The following NCBP1 variants were observed in gnomAD, a reference collection of about 807,000 sequenced individuals.
NCBP1 encodes nuclear cap binding protein subunit 1.
In NCBP1, 16 loss-of-function variants were observed where a neutral mutation model predicts 111.7. That is an observed-to-expected ratio of 0.14 (90% CI 0.10 to 0.22). The LOEUF is 0.22. Ranked by LOEUF, NCBP1 falls within the 10% of genes least tolerant of loss-of-function variation. The pLI, the probability that NCBP1 is intolerant of heterozygous loss-of-function variation, is 1.00. For missense variants in NCBP1, 607 were observed against 957.5 expected, an observed-to-expected ratio of 0.63 and a Z score of 4.83; for synonymous variants, 304 against 314.3, an observed-to-expected ratio of 0.97 and a Z score of 0.35.
intron 1 of NCBP1, among the ~76,000 whole-genome samples, chr9:97,637,091 A>T: frequency 6.6e-6 from 1 of 152,114 alleles, no homozygotes; most frequent in Non-Finnish European, 1.5e-5. Flanking sequence ...GTGAGGGGGA[A>T]GTTGTAGGAG....
intron 22 of NCBP1, among the ~76,000 whole-genome samples, chr9:97,670,791 A>G (rs1383476892): frequency 1.3e-5 from 2 of 152,226 alleles, no homozygotes; most frequent in Admixed American, 6.5e-5. Context: ...AGTCCGTAAT[A>G]GTACTAGGAG....
At position 97,650,520 on chromosome 9, in the gene NCBP1, G is replaced by A. The variant is rs779543186; in HGVS notation, c.915G>A (p.Gly305=). ...CTTTCCAGGGTCCTGTCATGCCAGG[G>A]AGTCATTCAGTGGAAAGATTTGTAA... ...TDDPEGPVMP[G]SHSVERFVIE... Residue 305 remains glycine (G), a synonymous_variant, in exon 9 of 23, where the codon GGG becomes GGA. Transcript: ENST00000375147. 13 of 1,613,192 alleles carry A rather than the reference G, an allele frequency of 8.1e-6. No individual in the cohort carries two copies. In the East Asian group the frequency reaches 1.1e-4, roughly 14 times the overall value.
chr9:97,655,561 A>G, intron 12 of NCBP1, 141 bp from the exon 13 acceptor site: 1 of 588,772 alleles, frequency 1.7e-6, no homozygotes, highest in South Asian at 2.7e-5. Flanking sequence ...TTGGCAGAAG[A>G]TACAACTGCA....
chr9:97,668,799 A>C (rs1251744088), intron 20 of NCBP1, 47 bp from the exon 21 acceptor site: 1 of 1,592,508 alleles, frequency 6.3e-7, no homozygotes, highest in South Asian at 1.1e-5. Flanking sequence ...GATTTAACAC[A>C]CTGGAATCTA....
At position 97,671,831 on chromosome 9, in the gene NCBP1, T is replaced by A. The variant is rs1828201936; in HGVS notation, c.*632T>A. 6.6e-6 allele frequency: 1 copy of A among 152,216 alleles called. No homozygotes were observed. The highest frequency in any genetic ancestry group is 2.4e-5 in the African/African-American group (1 of 41,462). The allele number at this position is 152,216 out of a possible 1,614,324, so 9.4% of individuals were successfully genotyped here. A position where few individuals can be genotyped will look rare whatever the true frequency, so the allele number is the denominator to read the frequency against. On this transcript the variant is annotated 3_prime_UTR_variant, in exon 23 of 23. Transcript: ENST00000375147. Reference sequence around the variant, plus strand: ...TTAATGTAAATCACCTGGGAATCTTTCAAGTTATTTTGAAATTTAAACCAC... The same window carrying A: ...TTAATGTAAATCACCTGGGAATCTTACAAGTTATTTTGAAATTTAAACCAC...
At chr9:97,650,120 A>G (rs1827458950) in intron 8 of NCBP1, among the ~76,000 whole-genome samples, 1 of 152,166 alleles carries the variant, frequency 6.6e-6, no homozygotes, top group South Asian at 2.1e-4. Context: ...ATGACTTTTT[A>G]TGGCTATGTG....
chr9:97,644,869 T>C (rs979732196), intron 4 of NCBP1, among the ~76,000 whole-genome samples: 8 of 152,190 alleles, frequency 5.3e-5, no homozygotes, highest in South Asian at 2.1e-4. Flanking sequence ...AGTTTACTTA[T>C]GGGCACTGAA....
chr9:97,664,743 G>T (rs1292371883), intron 19 of NCBP1, among the ~76,000 whole-genome samples: 1 of 152,188 alleles, frequency 6.6e-6, no homozygotes, highest in Non-Finnish European at 1.5e-5. Context: ...CCAGCTATGT[G>T]CAGAGTCTCA....
intron 7 of NCBP1, 25 bp downstream of exon 7, chr9:97,647,586 A>C (rs1384932645): frequency 6.4e-7 from 1 of 1,558,364 alleles, no homozygotes. Context: ...GTCCCTTGTG[A>C]TACAAACACA....
chr9:97,643,345 T>C lies in NCBP1; in HGVS notation c.366T>C (p.Asn122=), dbSNP rs34675777. The change falls in exon 4 of 23, where the codon AAT becomes AAC. Residue 122 remains asparagine, a synonymous_variant. Transcript: ENST00000375147. The part of the protein sequence containing the change: ...LKESLKANNY[N]EAVYLVRFLS... ...AATCATTGAAAGCAAACAATTATAA[T>C]GAAGCCGTGTATTTGGTAAGTTAGT... 7.7e-3 allele frequency: 12,256 copies of C among 1,600,152 alleles called. 834 individuals are homozygous for C. The African/African-American group carries it at 0.14, about 19-fold the overall frequency.
Position 97,672,410 on chromosome 9 carries a change from T to C in NCBP1, c.*1211T>C, listed in dbSNP as rs1414488519. The C allele has an allele frequency of 6.6e-6, 1 of 152,222 alleles. No homozygotes were observed. The highest frequency in any genetic ancestry group is 1.5e-5 in the Non-Finnish European group (1 of 68,030). The allele number at this position is 152,222 out of a possible 1,614,324, so 9.4% of individuals were successfully genotyped here. ...CATACATTTTAGTGGCTACAGAATG[T>C]AGTCTGCTTAATAAATGGGAATTCC... On this transcript the variant is annotated 3_prime_UTR_variant, in exon 23 of 23. Coordinates refer to ENST00000375147, the MANE Select transcript of NCBP1 (RefSeq NM_002486.5).
chr9:97,657,196 G>A (rs1827684826), intron 14 of NCBP1, among the ~76,000 whole-genome samples: 1 of 152,126 alleles, frequency 6.6e-6, no homozygotes, highest in Non-Finnish European at 1.5e-5. Flanking sequence ...TCGATCTCCT[G>A]ACCTCGTGAT....
At position 97,645,706 on chromosome 9, in the gene NCBP1, C is replaced by A; in HGVS notation, c.585C>A (p.Ile195=). The change falls in exon 6 of 23, where the codon ATC becomes ATA. Residue 195 remains isoleucine, a synonymous_variant. Transcript: ENST00000375147. ...YEKKDAEMDR[I]FANTESYLKR... ...AGAAAGATGCAGAGATGGACCGCATCTTTGCCAACACTGAAAGCTATCTTA... is the reference window on the plus strand; with the variant it reads ...AGAAAGATGCAGAGATGGACCGCATATTTGCCAACACTGAAAGCTATCTTA... 2 of 1,614,014 alleles carry A rather than the reference C, an allele frequency of 1.2e-6. No homozygotes were observed. Among genetic ancestry groups the A allele is most frequent in the Non-Finnish European group, 1.7e-6 (2 of 1,179,948 alleles).
chr9:97,657,941 T>TG lies in NCBP1; in HGVS notation c.1374-699_1374-698insG, dbSNP rs1827717199. Among the ~76,000 whole-genome samples, 3 of 142,502 alleles carry TG rather than the reference T, an allele frequency of 2.1e-5. 1 individual carries two copies. Among genetic ancestry groups the TG allele is most frequent in the South Asian group, 4.4e-4 (2 of 4,596 alleles). 93.5% of individuals were successfully genotyped at this position (142,502 alleles called of 152,430 possible). On this transcript the variant is annotated intron_variant, in intron 14 of 22. Transcript: ENST00000375147. ...ATATATATATATTTTTTTTTTTTTT[T>TG]TTAACGTCCCCAGCCATTCATTGAG... is the stretch of plus-strand genomic sequence containing the variant.
chr9:97,647,722 T>C (rs1827385861), intron 7 of NCBP1, among the ~76,000 whole-genome samples, 161 bp downstream of exon 7: 1 of 152,250 alleles, frequency 6.6e-6, no homozygotes, highest in South Asian at 2.1e-4. Flanking sequence ...AGGTCTTTAA[T>C]AGATGATAGA....
Position 97,664,450 on chromosome 9 carries a change from T to C in NCBP1, c.1901+7T>C. On this transcript the variant is annotated splice_region_variant and intron_variant, in intron 19 of 22. Coordinates refer to ENST00000375147, the MANE Select transcript of NCBP1 (RefSeq NM_002486.5). ...TATCTCGTGACTTTACCAGGTAATATAAATTATTTTATGAAACTTGTGTTC... is the reference window on the plus strand; with the variant it reads ...TATCTCGTGACTTTACCAGGTAATACAAATTATTTTATGAAACTTGTGTTC... 1 of 1,560,858 alleles carries C rather than the reference T, an allele frequency of 6.4e-7. No individual in the cohort carries two copies.
chr9:97,647,182 T>G (rs557391026), intron 6 of NCBP1, among the ~76,000 whole-genome samples: 1 of 152,336 alleles, frequency 6.6e-6, no homozygotes, highest in South Asian at 2.1e-4. Context: ...GGGATATAAA[T>G]TTTTAGAAAT....
chr9:97,659,049 G>A (rs1372496927), intron 15 of NCBP1, among the ~76,000 whole-genome samples: 1 of 152,182 alleles, frequency 6.6e-6, no homozygotes, highest in Non-Finnish European at 1.5e-5. Context: ...TGGTGATGGA[G>A]GTTACTTGAA....
chr9:97,654,846 G>A (rs771243403), intron 11 of NCBP1, 34 bp from the exon 12 acceptor site: 1 of 1,590,296 alleles, frequency 6.3e-7, no homozygotes, highest in South Asian at 1.1e-5. Flanking sequence ...TGGGATAAAA[G>A]TGGAGAATAG....
Sources: allele counts gnomAD v4.1 joint callset (sites outside exome capture counted in the v4.1 genomes callset), GRCh38; gene constraint gnomAD v4.1.1; transcripts MANE v1.5; gene names NCBI Gene and HGNC (gene_info 2026-07-23, HGNC 2026-07-21).